The following ZNF536 variants were observed in gnomAD, a reference collection of about 807,000 sequenced individuals.
ZNF536 encodes the protein zinc finger protein 536.
Under a neutral mutation model 84.5 loss-of-function variants are expected in ZNF536, and 13 were observed. That is an observed-to-expected ratio of 0.15 (90% CI 0.10 to 0.24). The LOEUF is 0.24. Ranked by LOEUF, ZNF536 falls within the 10% of genes least tolerant of loss-of-function variation. The probability of loss-of-function intolerance (pLI) is 1.00; values close to 1 mark genes in which losing one functional copy is unlikely to be tolerated. For synonymous variants in ZNF536, 811 were observed against 742.5 expected, an observed-to-expected ratio of 1.09 and a Z score of -1.50; for missense variants, 1,536 against 1,747.5, an observed-to-expected ratio of 0.88 and a Z score of 2.16.
At chr19:30,409,176 T>C (rs1368233017) in intron 1 of ZNF536, among the ~76,000 whole-genome samples, 2 of 152,222 alleles carry the variant, frequency 1.3e-5, no homozygotes, top group Non-Finnish European at 2.9e-5. Context: ...TATCTAAACA[T>C]TCATCTCTGG....
chr19:30,605,756 G>T (rs185013651), intron 1 of ZNF536, among the ~76,000 whole-genome samples: 26 of 152,254 alleles, frequency 1.7e-4, no homozygotes, highest in African/African-American at 5.5e-4. Flanking sequence ...CTTTAAGGAA[G>T]CTGCAGGATG....
chr19:30,508,363 G>A (rs1260688597), intron 2 of ZNF536, among the ~76,000 whole-genome samples: 3 of 152,234 alleles, frequency 2.0e-5, no homozygotes, highest in Non-Finnish European at 4.4e-5. Context: ...TATGGCTGTA[G>A]AGGATGGGGA....
downstream of ZNF536, among the ~76,000 whole-genome samples, chr19:30,562,269 C>A (rs915561861): frequency 1.3e-5 from 2 of 152,128 alleles, no homozygotes; most frequent in African/African-American, 4.8e-5. Flanking sequence ...AGTCCCCATA[C>A]CAGTAGGGCC....
At chr19:30,668,479 G>T (rs1188463528) in intron 1 of ZNF536, 2 of 152,200 alleles carry the variant, frequency 1.3e-5, no homozygotes, top group Non-Finnish European at 2.9e-5. Context: ...GGATCTTGGC[G>T]GCCAATTTGA....
At chr19:30,512,392 A>G (rs2055449980) in intron 2 of ZNF536, among the ~76,000 whole-genome samples, 1 of 152,190 alleles carries the variant, frequency 6.6e-6, no homozygotes, top group Non-Finnish European at 1.5e-5. Context: ...ATTAACATCA[A>G]AGAACATCTG....
intron 2 of ZNF536, among the ~76,000 whole-genome samples, chr19:30,452,770 A>T (rs33436): frequency 6.6e-6 from 1 of 151,778 alleles, no homozygotes; most frequent in Admixed American, 6.6e-5. Flanking sequence ...TGATGATTGG[A>T]CTGGAACCTT....
At chr19:30,498,308 A>G (rs760344781) in intron 2 of ZNF536, among the ~76,000 whole-genome samples, 8 of 152,214 alleles carry the variant, frequency 5.3e-5, no homozygotes, top group Non-Finnish European at 1.0e-4. Context: ...TGGAGCTGGA[A>G]GCCATTATCC....
At chr19:30,467,331 G>A (rs1361999433) in intron 2 of ZNF536, among the ~76,000 whole-genome samples, 1 of 152,136 alleles carries the variant, frequency 6.6e-6, no homozygotes, top group Non-Finnish European at 1.5e-5. Flanking sequence ...ATGGATTTGA[G>A]TACTCTAAGT....
At position 30,445,739 on chromosome 19, in the gene ZNF536, T is replaced by C. The variant is rs755583614; in HGVS notation, c.2170+7T>C. The C allele has an allele frequency of 1.3e-6, 2 of 1,541,740 alleles. No individual in the cohort carries two copies. Among genetic ancestry groups the C allele is most frequent in the African/African-American group, 2.7e-5 (2 of 72,920 alleles). ...TCCTCGCCATCCTCCTCAGGTAGGT[T>C]AGCTGAGAAGCGGGGAGAAGCAGCT... On this transcript the variant is annotated splice_region_variant and intron_variant, in intron 2 of 4. Coordinates refer to ENST00000355537, the MANE Select transcript of ZNF536 (RefSeq NM_014717.3). The surrounding 1 kb of genome is among the most constrained non-coding windows in gnomAD (Gnocchi z 4.5).
At chr19:30,624,800 A>G (rs1480304721) in intron 1 of ZNF536, among the ~76,000 whole-genome samples, 1 of 152,058 alleles carries the variant, frequency 6.6e-6, no homozygotes, top group Admixed American at 6.6e-5. Context: ...CAAAGGAGGG[A>G]CCCAGTGAGA....
In ZNF536 at chr19:30,366,580, T is replaced by TTGTC. The variant is rs968297531; in HGVS notation, c.-3+14098_-3+14101dup. Reference sequence around the variant, plus strand: ...CTTTCTTCCTCTCTAGATCTATCATTTGTCTATCTATCTATCTATCTATCT... The same window carrying TTGTC: ...CTTTCTTCCTCTCTAGATCTATCATTTGTCTGTCTATCTATCTATCTATCTATCT... On this transcript the variant is annotated intron_variant, in intron 3 of 5. Transcript: ENST00000585628. 4.3e-5 allele frequency among the ~76,000 whole-genome samples: 6 copies of TTGTC among 140,342 alleles called. No individual in the cohort carries two copies. The East Asian group carries it at 1.0e-3, about 24-fold the overall frequency. 92.1% of individuals were successfully genotyped at this position (140,342 alleles called of 152,430 possible).
intron 1 of ZNF536, among the ~76,000 whole-genome samples, chr19:30,411,924 T>C (rs2050511836): frequency 6.6e-6 from 1 of 152,122 alleles, no homozygotes; most frequent in Admixed American, 6.5e-5. Flanking sequence ...GGTATAGTTC[T>C]ATTCAGGTCT....
chr19:30,446,066 G>A (rs1280752398), intron 2 of ZNF536, among the ~76,000 whole-genome samples: 2 of 151,834 alleles, frequency 1.3e-5, no homozygotes, highest in Admixed American at 1.3e-4. Flanking sequence ...TGGCCAACAT[G>A]GAGAAACCCC....
intron 1 of ZNF536, among the ~76,000 whole-genome samples, chr19:30,430,587 A>G (rs569928526): frequency 6.6e-6 from 1 of 152,316 alleles, no homozygotes; most frequent in South Asian, 2.1e-4. Flanking sequence ...AATTTCTCCC[A>G]AGATTACTAG....
chr19:30,309,437 A>T (rs2046433695), intron 2 of ZNF536, among the ~76,000 whole-genome samples: 1 of 152,166 alleles, frequency 6.6e-6, no homozygotes, highest in Non-Finnish European at 1.5e-5. Context: ...CTGTTTGTGG[A>T]GTATTAAATG....
At chr19:30,668,593 C>T (rs2050421237) in intron 1 of ZNF536, 1 of 152,330 alleles carries the variant, frequency 6.6e-6, no homozygotes, top group Non-Finnish European at 1.5e-5. Flanking sequence ...TAGAGTTGAC[C>T]CAGATCTGTG....
chr19:30,271,108 T>A (rs908599285), intron 1 of ZNF536, among the ~76,000 whole-genome samples: 1 of 151,982 alleles, frequency 6.6e-6, no homozygotes, highest in African/African-American at 2.4e-5. Context: ...ATGGTTAGGT[T>A]GGAATTTTCT....
chr19:30,693,595 AAG>A (rs1172294957), intron 1 of ZNF536, among the ~76,000 whole-genome samples: 2 of 151,954 alleles, frequency 1.3e-5, no homozygotes, highest in Non-Finnish European at 2.9e-5. Context: ...ATAAAAAAAA[AAG>A]AAAGACACCT....
chr19:30,492,160 C>G (rs1026683807), intron 2 of ZNF536, among the ~76,000 whole-genome samples: 2 of 152,176 alleles, frequency 1.3e-5, no homozygotes, highest in Admixed American at 6.5e-5. Context: ...AAAGTGCTCT[C>G]TGTGCCTTAT....
Sources: gnomAD v4.1 joint callset for allele counts (sites outside exome capture counted in the v4.1 genomes callset) on GRCh38, gnomAD v4.1.1 for gene constraint, Gnocchi (gnomAD v3.1) non-coding constraint, MANE v1.5 for transcripts, NCBI Gene and HGNC (gene_info 2026-07-23, HGNC 2026-07-21) for gene names.